The following NRG3 variants were observed in gnomAD, a reference collection of about 807,000 sequenced individuals.
NRG3 encodes neuregulin 3.
Under a neutral mutation model 66.9 loss-of-function variants are expected in NRG3, and 31 were observed. That is an observed-to-expected ratio of 0.46 (90% CI 0.35 to 0.63). NRG3 has a LOEUF of 0.63. Among genes scored for constraint, NRG3 ranks in the 20% least tolerant of loss-of-function variants. NRG3 has a pLI of 0.00. For synonymous variants in NRG3, 393 were observed against 359.4 expected (o/e 1.09, Z -1.06); for missense variants, 910 against 878.9 (o/e 1.04, Z -0.45).
At chr10:81,947,712 C>G (rs1848974852) in intron 1 of NRG3, among the ~76,000 whole-genome samples, 1 of 151,910 alleles carries the variant, frequency 6.6e-6, no homozygotes, top group Non-Finnish European at 1.5e-5. Flanking sequence ...TCCACCTTTG[C>G]ACACCTGAAG....
intron 2 of NRG3, among the ~76,000 whole-genome samples, chr10:82,728,596 T>C (rs1328915298): frequency 3.3e-5 from 5 of 152,208 alleles, no homozygotes; most frequent in African/African-American, 1.2e-4. Context: ...GTCTTGGGTA[T>C]GTCTTTATCA....
rs145482772 is a variant in NRG3 at position 82,834,885 on chromosome 10, G to T, written c.1028-30526G>T. 2.3e-3 allele frequency among the ~76,000 whole-genome samples: 346 copies of T among 152,296 alleles called. 4 individuals carry two copies. Among genetic ancestry groups the T allele is most frequent in the African/African-American group, 8.0e-3 (333 of 41,560 alleles). ...CACTTAGAGCCACTCCTCACATTAT[G>T]AGGTAAGATTCTCCTCTGGTTGTCT... On this transcript the variant is annotated intron_variant, in intron 3 of 8. Transcript: ENST00000372141.
chr10:82,292,133 G>C (rs2079783937), intron 1 of NRG3, among the ~76,000 whole-genome samples: 1 of 151,910 alleles, frequency 6.6e-6, no homozygotes, highest in Admixed American at 6.6e-5. Flanking sequence ...CAGTTAAAAC[G>C]ATCCCATTAA....
At chr10:81,909,071 C>T (rs1290772259) in intron 1 of NRG3, among the ~76,000 whole-genome samples, 1 of 152,166 alleles carries the variant, frequency 6.6e-6, no homozygotes, top group African/African-American at 2.4e-5. Context: ...TGTACCTCTC[C>T]CTCTGAAGGC....
chr10:82,041,944 C>T (rs966131438), intron 1 of NRG3, among the ~76,000 whole-genome samples: 1 of 151,916 alleles, frequency 6.6e-6, no homozygotes, highest in Non-Finnish European at 1.5e-5. Flanking sequence ...ACACAAAACA[C>T]AAAACTACCC....
At chr10:82,979,531 G>A (rs763508224) in intron 8 of NRG3, among the ~76,000 whole-genome samples, 53 of 152,098 alleles carry the variant, frequency 3.5e-4, no homozygotes, top group African/African-American at 1.1e-3. Context: ...CATGGCATAC[G>A]TACAGTATCT....
chr10:82,281,259 A>G (rs1357766529), intron 1 of NRG3, among the ~76,000 whole-genome samples: 2 of 152,146 alleles, frequency 1.3e-5, no homozygotes, highest in Admixed American at 1.3e-4. Context: ...ATGTCCAGTC[A>G]TGGGTCCAGA....
chr10:82,663,464 T>C (rs1381225914), intron 2 of NRG3, among the ~76,000 whole-genome samples: 1 of 152,170 alleles, frequency 6.6e-6, no homozygotes, highest in Non-Finnish European at 1.5e-5. Flanking sequence ...TATCTTTTTT[T>C]AACAATAGCC....
chr10:82,764,704 A>T (rs2059453933), intron 3 of NRG3, among the ~76,000 whole-genome samples: 1 of 152,174 alleles, frequency 6.6e-6, no homozygotes, highest in Admixed American at 6.5e-5. Context: ...AAAAAAGATA[A>T]TATGATAGGG....
intron 1 of NRG3, among the ~76,000 whole-genome samples, chr10:82,002,537 T>G (rs1221120842): frequency 1.3e-5 from 2 of 152,190 alleles, no homozygotes; most frequent in Non-Finnish European, 2.9e-5. Flanking sequence ...TTGCATTTGG[T>G]ACAGTATAAA....
At chr10:82,377,993 A>C (rs1345042622) in intron 2 of NRG3, among the ~76,000 whole-genome samples, 3 of 152,234 alleles carry the variant, frequency 2.0e-5, no homozygotes, top group Admixed American at 6.5e-5. Flanking sequence ...GGAAGTGAGA[A>C]CAAATCTAAT....
intron 2 of NRG3, among the ~76,000 whole-genome samples, chr10:82,415,822 A>G (rs1187951511): frequency 6.6e-6 from 1 of 152,160 alleles, no homozygotes; most frequent in Non-Finnish European, 1.5e-5. Flanking sequence ...AAATGATGCT[A>G]TATTTTCTGG....
At chr10:81,915,455 A>C (rs1227169224) in intron 1 of NRG3, among the ~76,000 whole-genome samples, 1 of 147,494 alleles carries the variant, frequency 6.8e-6, no homozygotes, top group Non-Finnish European at 1.5e-5. Context: ...TATTTCTTTA[A>C]GTTTCTCCTG....
At chr10:82,881,714 ATGTATGTG>A (rs1163170851) in intron 4 of NRG3, among the ~76,000 whole-genome samples, 1 of 152,168 alleles carries the variant, frequency 6.6e-6, no homozygotes, top group Non-Finnish European at 1.5e-5. Flanking sequence ...CTATGTATTT[ATGTATGTG>A]TGTATGTATC....
intron 2 of NRG3, among the ~76,000 whole-genome samples, chr10:82,716,083 T>C (rs183768449): frequency 1.7e-3 from 255 of 152,268 alleles, no homozygotes; most frequent in Admixed American, 2.9e-3. Context: ...ATTCATTCCA[T>C]AATACACACA....
At chr10:82,581,839 T>C (rs779171378) in intron 2 of NRG3, among the ~76,000 whole-genome samples, 1 of 152,056 alleles carries the variant, frequency 6.6e-6, no homozygotes, top group Non-Finnish European at 1.5e-5. Context: ...TATAGAAGTT[T>C]TATACAGTTT....
At chr10:82,775,635 G>A (rs549624357) in intron 3 of NRG3, among the ~76,000 whole-genome samples, 2 of 152,094 alleles carry the variant, frequency 1.3e-5, no homozygotes, top group South Asian at 4.2e-4. Context: ...GGTCAAAATT[G>A]CATTTCAAGT....
At chr10:82,459,898 C>G (rs1047445538) in intron 2 of NRG3, among the ~76,000 whole-genome samples, 3 of 152,168 alleles carry the variant, frequency 2.0e-5, no homozygotes, top group Non-Finnish European at 4.4e-5. Context: ...GCTCATTGCT[C>G]TGGTTGTCAG....
At chr10:82,974,937 T>C (rs1298307255) in intron 7 of NRG3, among the ~76,000 whole-genome samples, 2 of 152,234 alleles carry the variant, frequency 1.3e-5, no homozygotes, top group African/African-American at 2.4e-5. Flanking sequence ...TTGACACTAA[T>C]CCTCAGCACT....
Sources: gnomAD v4.1 joint callset for allele counts (sites outside exome capture counted in the v4.1 genomes callset) on GRCh38, gnomAD v4.1.1 for gene constraint, MANE v1.5 for transcripts, NCBI Gene and HGNC (gene_info 2026-07-23, HGNC 2026-07-21) for gene names.